The following NBEA variants were observed in gnomAD, a reference collection of about 807,000 sequenced individuals.
NBEA encodes neurobeachin.
Under a neutral mutation model 343.4 loss-of-function variants are expected in NBEA, and 44 were observed. The ratio of observed to expected loss-of-function variants is 0.13; its 90% CI spans 0.10 to 0.16. The LOEUF is 0.16. Ranked by LOEUF, NBEA falls within the 10% of genes least tolerant of loss-of-function variation. NBEA has a pLI of 1.00. For missense variants in NBEA, 2,555 were observed against 3,631.3 expected (o/e 0.70, Z 7.62); for synonymous variants, 1,175 against 1,238.7 (o/e 0.95, Z 1.08).
intron 35 of NBEA, 100 bp from the exon 36 acceptor site, chr13:35,309,428 A>C (rs1310651087): frequency 3.3e-5 from 21 of 645,800 alleles, no homozygotes; most frequent in Non-Finnish European, 5.7e-5. Flanking sequence ...GAAATAATAT[A>C]ATGTGGAAGT....
At position 35,439,705 on chromosome 13, in the gene NBEA, A is replaced by T. The variant is rs552417975; in HGVS notation, c.6304+7312A>T. Among the ~76,000 whole-genome samples, 9 of 152,332 alleles carry T rather than the reference A, an allele frequency of 5.9e-5. No homozygotes were observed. The East Asian group carries it at 1.7e-3, about 29-fold the overall frequency. On this transcript the variant is annotated intron_variant, in intron 39 of 58. Transcript: ENST00000379939. ...TGTAACAAACCTGCACGTTGTGCAC[A>T]TGTATCCTAGAACTTAAAGTATAAT...
At chr13:35,084,438 C>G (rs1308595314) in intron 10 of NBEA, among the ~76,000 whole-genome samples, 2 of 152,162 alleles carry the variant, frequency 1.3e-5, no homozygotes, top group African/African-American at 4.8e-5. Context: ...TCACTCAAAA[C>G]CGCTCAACTA....
chr13:34,959,399 C>CTA (rs1363727444), intron 1 of NBEA, among the ~76,000 whole-genome samples: 1 of 151,964 alleles, frequency 6.6e-6, no homozygotes, highest in African/African-American at 2.4e-5. Flanking sequence ...CAATACTGGA[C>CTA]TATACTAAGT....
intron 1 of NBEA, among the ~76,000 whole-genome samples, chr13:34,950,002 T>G (rs569796926): frequency 9.8e-5 from 15 of 152,318 alleles, no homozygotes; most frequent in African/African-American, 3.6e-4. Context: ...GTTATAGATT[T>G]CTGACGGTTT....
chr13:34,952,800 A>C (rs2059388414), intron 1 of NBEA, among the ~76,000 whole-genome samples: 1 of 152,216 alleles, frequency 6.6e-6, no homozygotes, highest in Non-Finnish European at 1.5e-5. Context: ...AGCAGATTAA[A>C]AGATGGTATA....
At chr13:34,951,013 A>C (rs1483031836) in intron 1 of NBEA, among the ~76,000 whole-genome samples, 2 of 152,190 alleles carry the variant, frequency 1.3e-5, no homozygotes, top group Non-Finnish European at 2.9e-5. Flanking sequence ...ATTGTTTGCT[A>C]GGGCAAGTTA....
At chr13:35,224,336 A>C (rs980534070) in intron 33 of NBEA, among the ~76,000 whole-genome samples, 1 of 152,222 alleles carries the variant, frequency 6.6e-6, no homozygotes, top group South Asian at 2.1e-4. Flanking sequence ...ATTATTTGGC[A>C]TACCAGCATA....
intron 41 of NBEA, among the ~76,000 whole-genome samples, chr13:35,488,997 A>G (rs144752236): frequency 1.1e-3 from 170 of 151,936 alleles, no homozygotes; most frequent in African/African-American, 4.0e-3. Flanking sequence ...TTATGTCTGT[A>G]TGGGTGGCAA....
chr13:35,436,666 C>T (rs1365144410), intron 39 of NBEA, among the ~76,000 whole-genome samples: 3 of 148,642 alleles, frequency 2.0e-5, no homozygotes, highest in Non-Finnish European at 3.0e-5. Flanking sequence ...GCCTAGATCG[C>T]GCCAATGCAC....
intron 34 of NBEA, among the ~76,000 whole-genome samples, chr13:35,284,386 T>C (rs1286876916): frequency 6.6e-6 from 1 of 152,104 alleles, no homozygotes; most frequent in Non-Finnish European, 1.5e-5. Context: ...AAATTTATAA[T>C]CCAAACATGA....
chr13:35,223,886 A>G (rs369897451), intron 33 of NBEA, among the ~76,000 whole-genome samples: 32 of 152,226 alleles, frequency 2.1e-4, no homozygotes, highest in African/African-American at 7.7e-4. Flanking sequence ...GCAGGGCTGC[A>G]TTTCTTATTG....
chr13:35,171,218 T>C, intron 25 of NBEA, 54 bp from the exon 26 acceptor site: 4 of 1,406,082 alleles, frequency 2.8e-6, no homozygotes, highest in Non-Finnish European at 4.0e-6. Context: ...ATATGTATTA[T>C]ATTTCCAAAT....
intron 1 of NBEA, among the ~76,000 whole-genome samples, chr13:34,952,200 AC>A (rs1348507299): frequency 6.6e-6 from 1 of 152,152 alleles, no homozygotes. Context: ...TATCCCAAAA[AC>A]AGCATGTATG....
In NBEA at chr13:35,219,046, G is replaced by A. The variant is rs372314476; in HGVS notation, c.5648+7867G>A. The stretch of plus-strand genomic sequence containing the variant: ...CCAAAATTTTCTATTTTTTTCTGGT[G>A]TCAGCTTTGTTAGGTTTTTGCTGGC... On this transcript the variant is annotated intron_variant, in intron 33 of 58. Transcript: ENST00000379939. Among the ~76,000 whole-genome samples the A allele has an allele frequency of 4.3e-4, 65 of 151,976 alleles. 2 individuals carry two copies. The South Asian group carries it at 0.013, about 31-fold the overall frequency.
chr13:35,365,993 G>C (rs2041087629), intron 38 of NBEA, among the ~76,000 whole-genome samples: 1 of 151,612 alleles, frequency 6.6e-6, no homozygotes, highest in Non-Finnish European at 1.5e-5. Context: ...GTTGGAAAGT[G>C]CCATTGCCCT....
At chr13:35,466,205 T>G (rs1448511284) in intron 40 of NBEA, among the ~76,000 whole-genome samples, 1 of 152,116 alleles carries the variant, frequency 6.6e-6, no homozygotes, top group Non-Finnish European at 1.5e-5. Context: ...CTATGATCTG[T>G]GGGGATAATT....
chr13:35,048,438 T>G, intron 4 of NBEA, 125 bp from the exon 5 acceptor site: 1 of 826,308 alleles, frequency 1.2e-6, no homozygotes, highest in Non-Finnish European at 1.8e-6. Flanking sequence ...ATTTTATGGA[T>G]TTGTTTGTGA....
intron 30 of NBEA, among the ~76,000 whole-genome samples, chr13:35,195,210 A>T (rs1481716438): frequency 2.6e-5 from 4 of 152,146 alleles, no homozygotes; most frequent in African/African-American, 9.7e-5. Flanking sequence ...GCAGCTAACA[A>T]TCAAAGGATA....
At chr13:35,573,721 A>G (rs1235097640) in intron 45 of NBEA, among the ~76,000 whole-genome samples, 1 of 152,206 alleles carries the variant, frequency 6.6e-6, no homozygotes, top group Non-Finnish European at 1.5e-5. Context: ...TTAGGCTGTT[A>G]AAGAAGAAAC....
Sources: gnomAD v4.1 joint callset for allele counts (sites outside exome capture counted in the v4.1 genomes callset) on GRCh38, gnomAD v4.1.1 for gene constraint, MANE v1.5 for transcripts, NCBI Gene and HGNC (gene_info 2026-07-23, HGNC 2026-07-21) for gene names.